GOLGA4: variants seen among roughly 807,000 people sequenced by gnomAD.
GOLGA4 encodes the protein golgin A4, also known as golgin subfamily A member 4.
A neutral mutation model predicts 265.9 loss-of-function variants in GOLGA4; 169 were observed. The ratio of observed to expected loss-of-function variants is 0.64; its 90% CI spans 0.56 to 0.72. The LOEUF (loss-of-function observed/expected upper bound fraction) is 0.72. GOLGA4 is among the 30% of genes least tolerant of loss of function. GOLGA4 has a pLI of 0.00. For synonymous variants in GOLGA4, 923 were observed against 855.8 expected (o/e 1.08, Z -1.37); for missense variants, 2,482 against 2,483.4 (o/e 1.00, Z 0.01).
chr3:37,319,314 A>G (rs2096947980), intron 12 of GOLGA4, 120 bp downstream of exon 12: 2 of 731,474 alleles, frequency 2.7e-6, no homozygotes, highest in African/African-American at 1.8e-5. Flanking sequence ...ACGTTTGGGT[A>G]TAAAGAGAGG....
intron 2 of GOLGA4, among the ~76,000 whole-genome samples, chr3:37,261,330 AAGT>A (rs1196835612): frequency 6.6e-6 from 1 of 152,112 alleles, no homozygotes; most frequent in Non-Finnish European, 1.5e-5. Context: ...TCAGTCATGG[AAGT>A]AGTAGATAAA....
rs775066888 is a variant in GOLGA4 at position 37,327,684 on chromosome 3, C to T, written c.5798C>T (p.Ala1933Val). 8 of 1,613,742 alleles carry T rather than the reference C, an allele frequency of 5.0e-6. No individual in the cohort carries two copies. Among genetic ancestry groups the T allele is most frequent in the Non-Finnish European group, 6.8e-6 (8 of 1,179,872 alleles). ...CACAATGATCTGGAGTTTAAATTAG[C>T]CGGGGCAGAACGGGAGAAACAGAAA... The part of the protein sequence containing the change: ...AQHNDLEFKL[A>V]GAEREKQKLG... Residue 1933 changes from alanine to valine, a missense_variant, in exon 14 of 24, where the codon GCC (alanine) becomes GTC (valine). Physicochemically the swap from Ala to Val is moderately conservative, Grantham distance 64 (BLOSUM62 0). This residue lies in a region of GOLGA4 where 942 missense variants were observed against 983.1 expected (regional missense o/e 0.96). Transcript: ENST00000361924.
intron 2 of GOLGA4, among the ~76,000 whole-genome samples, chr3:37,254,215 C>G (rs543533279): frequency 6.6e-6 from 1 of 152,110 alleles, no homozygotes; most frequent in South Asian, 2.1e-4. Flanking sequence ...AAACTGAGTT[C>G]AACAATATTG....
chr3:37,289,975 A>G (rs2150811727), intron 5 of GOLGA4, among the ~76,000 whole-genome samples: 1 of 152,214 alleles, frequency 6.6e-6, no homozygotes, highest in African/African-American at 2.4e-5. Context: ...AGTGTTCTTC[A>G]TGGGTTTTTG....
intron 2 of GOLGA4, among the ~76,000 whole-genome samples, chr3:37,255,638 A>G (rs1019884803): frequency 1.3e-5 from 2 of 152,128 alleles, no homozygotes; most frequent in Admixed American, 1.3e-4. Context: ...ACTTAATGAA[A>G]CCATTCTACC....
chr3:37,258,081 G>A (rs991550807), intron 2 of GOLGA4, among the ~76,000 whole-genome samples: 1 of 125,746 alleles, frequency 8.0e-6, no homozygotes, highest in Non-Finnish European at 1.6e-5. Flanking sequence ...ATATATATAT[G>A]TGTGTATATA....
At chr3:37,273,410 A>G (rs746182125) in intron 2 of GOLGA4, 10 of 613,922 alleles carry the variant, frequency 1.6e-5, no homozygotes, top group Non-Finnish European at 2.9e-5. Context: ...ATAAATGAAC[A>G]ATTACTAATT....
chr3:37,300,263 G>A (rs1258623942), intron 9 of GOLGA4, among the ~76,000 whole-genome samples: 2 of 152,138 alleles, frequency 1.3e-5, no homozygotes, highest in East Asian at 1.9e-4. Flanking sequence ...CTGTCTTTCA[G>A]CTCCAAGTTC....
At chr3:37,294,081 T>C (rs889528075) in intron 5 of GOLGA4, among the ~76,000 whole-genome samples, 3 of 152,244 alleles carry the variant, frequency 2.0e-5, no homozygotes, top group African/African-American at 7.2e-5. Flanking sequence ...TATGTGACTA[T>C]ACCTAAAATG....
At chr3:37,349,813 C>T (rs1251266655) in intron 21 of GOLGA4, among the ~76,000 whole-genome samples, 1 of 152,124 alleles carries the variant, frequency 6.6e-6, no homozygotes, top group Admixed American at 6.6e-5. Flanking sequence ...TCTTGTCTAG[C>T]AGGATTCATA....
rs1344244684 is a variant in GOLGA4, at chr3:37,319,089, G to A, written c.1440G>A (p.Lys480=). 1 of 1,603,864 alleles carries A rather than the reference G, an allele frequency of 6.2e-7. No homozygotes were observed. Among genetic ancestry groups the A allele is most frequent in the Non-Finnish European group, 8.5e-7 (1 of 1,175,410 alleles). ...MKKSSEEQIA[K]LQKLHEKELA... ...AATCCTCAGAAGAACAAATTGCTAA[G>A]CTACAGAAGCTTCATGAAAAGGAGC... Residue 480 remains lysine (K), a synonymous_variant, in exon 12 of 24, where the codon AAG becomes AAA. Transcript: ENST00000361924.
chr3:37,322,594 A>C (rs2096958143), intron 13 of GOLGA4, among the ~76,000 whole-genome samples: 1 of 152,160 alleles, frequency 6.6e-6, no homozygotes, highest in Non-Finnish European at 1.5e-5. Flanking sequence ...TGGTGGGTGA[A>C]ATGGACACTT....
chr3:37,293,123 A>T (rs2150826651), intron 5 of GOLGA4, among the ~76,000 whole-genome samples: 1 of 152,296 alleles, frequency 6.6e-6, no homozygotes, highest in Admixed American at 6.5e-5. Context: ...TGTGTGAGGG[A>T]TGGATAAAAT....
intron 2 of GOLGA4, among the ~76,000 whole-genome samples, chr3:37,251,986 CT>C (rs1214336316): frequency 1.3e-5 from 2 of 152,148 alleles, no homozygotes. Flanking sequence ...ATAATATGTT[CT>C]GGATTTAATA....
At chr3:37,338,622 G>C (rs1330969750) in intron 19 of GOLGA4, among the ~76,000 whole-genome samples, 1 of 152,098 alleles carries the variant, frequency 6.6e-6, no homozygotes, top group Non-Finnish European at 1.5e-5. Context: ...TCATTTTAGA[G>C]TACACAGTTC....
chr3:37,253,832 G>A (rs1011967364), intron 2 of GOLGA4, among the ~76,000 whole-genome samples: 1 of 152,012 alleles, frequency 6.6e-6, no homozygotes, highest in Non-Finnish European at 1.5e-5. Flanking sequence ...AGACCAGCCT[G>A]ATCAATATGG....
intron 22 of GOLGA4, among the ~76,000 whole-genome samples, chr3:37,360,541 AT>A (rs1696172931): frequency 6.6e-6 from 1 of 152,198 alleles, no homozygotes; most frequent in Non-Finnish European, 1.5e-5. Context: ...ATAGACTCAG[AT>A]TTTATAAGCA....
At chr3:37,361,164 T>C (rs1016083104) in intron 22 of GOLGA4, 79 bp from the exon 23 acceptor site, 1 of 1,077,302 alleles carries the variant, frequency 9.3e-7, no homozygotes, top group Non-Finnish European at 1.4e-6. Flanking sequence ...CCTATGAACT[T>C]CATATACACA....
intron 2 of GOLGA4, among the ~76,000 whole-genome samples, chr3:37,270,836 GTACTTTATTTCTGTTAT>G (rs1441094033): frequency 6.6e-6 from 1 of 152,036 alleles, no homozygotes; most frequent in African/African-American, 2.4e-5. Context: ...CATTTACTGT[GTACTTTATTTCTGTTAT>G]TATTACATTG....
Sources: gnomAD v4.1 joint callset for allele counts (sites outside exome capture counted in the v4.1 genomes callset) on GRCh38, gnomAD v4.1.1 for gene constraint, gnomAD v4.1.1 regional missense constraint, MANE v1.5 for transcripts, NCBI Gene and HGNC (gene_info 2026-07-23, HGNC 2026-07-21) for gene names.